SELENOI: variants seen among roughly 807,000 people sequenced by gnomAD.
The protein encoded by SELENOI is selenoprotein I.
In SELENOI, 24 loss-of-function variants were observed where a neutral mutation model predicts 50.7. The ratio of observed to expected loss-of-function variants is 0.47; its 90% CI spans 0.34 to 0.67. The LOEUF is 0.67. Among genes scored for constraint, SELENOI ranks in the 30% least tolerant of loss-of-function variants. The pLI is 0.01. For missense variants in SELENOI, 352 were observed against 461.4 expected, an observed-to-expected ratio of 0.76 and a Z score of 2.17; for synonymous variants, 155 against 170.2, an observed-to-expected ratio of 0.91 and a Z score of 0.70.
intron 4 of SELENOI, among the ~76,000 whole-genome samples, chr2:26,369,213 A>G (rs1260317962): frequency 6.6e-6 from 1 of 152,172 alleles, no homozygotes; most frequent in Non-Finnish European, 1.5e-5. Context: ...CTTTCTCCTC[A>G]TTCCCTTGGT....
At chr2:26,375,534 T>C (rs886940212) in intron 6 of SELENOI, among the ~76,000 whole-genome samples, 1 of 152,218 alleles carries the variant, frequency 6.6e-6, no homozygotes, top group Non-Finnish European at 1.5e-5. Context: ...TATTTTATAA[T>C]GTATCCACTC....
At chr2:26,375,576 C>A (rs1677550077) in intron 6 of SELENOI, among the ~76,000 whole-genome samples, 1 of 152,148 alleles carries the variant, frequency 6.6e-6, no homozygotes, top group Admixed American at 6.5e-5. Context: ...TCTCAGATAT[C>A]CTCTTTCTTA....
chr2:26,370,826 G>C (rs1258499369), intron 4 of SELENOI, among the ~76,000 whole-genome samples: 1 of 134,916 alleles, frequency 7.4e-6, no homozygotes, highest in Non-Finnish European at 1.6e-5. Flanking sequence ...TGGCCGGGCG[G>C]GGGGCTGACA....
chr2:26,384,219 CTTATTTATG>C (rs1677790898), intron 7 of SELENOI, among the ~76,000 whole-genome samples: 2 of 152,210 alleles, frequency 1.3e-5, no homozygotes, highest in Admixed American at 1.3e-4. Context: ...GTAGCAGAAT[CTTATTTATG>C]TTAAACCAAG....
chr2:26,373,014 G>C (rs879757824), intron 4 of SELENOI, among the ~76,000 whole-genome samples: 3 of 152,092 alleles, frequency 2.0e-5, no homozygotes, highest in Non-Finnish European at 2.9e-5. Context: ...TCAGCCTCCT[G>C]AGTAGCAGGA....
At chr2:26,354,469 C>T (rs9941613) in intron 1 of SELENOI, among the ~76,000 whole-genome samples, 59,364 of 152,004 alleles carry the variant, frequency 0.39, 13,069 homozygotes, top group Non-Finnish European at 0.5. Context: ...TCACTGCAAG[C>T]TCCGCCTCCT....
intron 8 of SELENOI, 27 bp from the exon 9 acceptor site, chr2:26,386,327 C>T (rs1380590316): frequency 5.1e-6 from 8 of 1,584,104 alleles, no homozygotes; most frequent in South Asian, 1.2e-5. Context: ...CTTTTTTTCT[C>T]TCTTATTTTT....
chr2:26,364,199 C>T (rs545962359), intron 1 of SELENOI, 103 bp from the exon 2 acceptor site: 74 of 816,584 alleles, frequency 9.1e-5, no homozygotes, highest in African/African-American at 6.9e-4. Flanking sequence ...TATATGCATG[C>T]GCCACTGCGC....
At chr2:26,364,270 T>C in intron 1 of SELENOI, 32 bp from the exon 2 acceptor site, 1 of 1,453,074 alleles carries the variant, frequency 6.9e-7, no homozygotes. Context: ...GGCAAGGATT[T>C]ACTCTGAATA....
Position 26,375,103 on chromosome 2 carries a change from C to T in SELENOI, c.637C>T (p.Leu213=). 6.2e-7 allele frequency: 1 copy of T among 1,613,168 alleles called. No individual in the cohort carries two copies. The highest frequency in any genetic ancestry group is 8.5e-7 in the Non-Finnish European group (1 of 1,179,368). Residue 213 remains leucine, a synonymous_variant, in exon 6 of 10, where the codon CTG becomes TTG. Transcript: ENST00000260585. ...VGVEAWYEPF[L]FNFLYRDLFT... ...AGTTGAGGCCTGGTATGAACCTTTC[C>T]TGTTTAATTTCTTATATAGAGACCT...
intron 6 of SELENOI, among the ~76,000 whole-genome samples, chr2:26,376,930 C>T (rs1394055167): frequency 2.6e-5 from 4 of 152,238 alleles, no homozygotes; most frequent in Middle Eastern, 3.4e-3. Flanking sequence ...TTGTTGCTTT[C>T]AAGGTTCTCT....
chr2:26,367,255 A>T, intron 4 of SELENOI, 35 bp downstream of exon 4: 1 of 1,509,400 alleles, frequency 6.6e-7, no homozygotes, highest in Non-Finnish European at 9.1e-7. Context: ...ATAGTCAGTG[A>T]CTGGTGAATC....
At chr2:26,374,233 T>G (rs1170779720) in intron 5 of SELENOI, among the ~76,000 whole-genome samples, 2 of 152,256 alleles carry the variant, frequency 1.3e-5, no homozygotes, top group Non-Finnish European at 2.9e-5. Context: ...AAGAAAGATA[T>G]GCACATATAA....
chr2:26,383,703 G>A lies in SELENOI; in HGVS notation c.731+356G>A, dbSNP rs554597588. Among the ~76,000 whole-genome samples the A allele has an allele frequency of 3.6e-4, 55 of 152,100 alleles. 1 individual carries two copies. The highest frequency in any genetic ancestry group is 3.4e-3 in the Middle Eastern group (1 of 294). ...CAGCCTGACCAACATGGTGAAACCC[G>A]TCTCTACTAAAAATAAAAAAATTAG... On this transcript the variant is annotated intron_variant, in intron 7 of 9. Transcript: ENST00000260585.
At chr2:26,372,274 T>C (rs181680981) in intron 4 of SELENOI, among the ~76,000 whole-genome samples, 4 of 152,056 alleles carry the variant, frequency 2.6e-5, no homozygotes, top group African/African-American at 7.2e-5. Context: ...CATCCCCGGC[T>C]AAGTTTTTGT....
intron 1 of SELENOI, among the ~76,000 whole-genome samples, chr2:26,352,280 G>A (rs890496674): frequency 1.3e-5 from 2 of 152,196 alleles, no homozygotes; most frequent in African/African-American, 4.8e-5. Context: ...GCAGCGTGTA[G>A]AAGATGGAGA....
At chr2:26,365,733 A>T (rs1574754896) in intron 3 of SELENOI, among the ~76,000 whole-genome samples, 1 of 151,924 alleles carries the variant, frequency 6.6e-6, no homozygotes, top group East Asian at 1.9e-4. Context: ...TGACCTGGAG[A>T]AACTGAGTAC....
chr2:26,372,791 C>G (rs1677485072), intron 4 of SELENOI, among the ~76,000 whole-genome samples: 1 of 152,216 alleles, frequency 6.6e-6, no homozygotes, highest in African/African-American at 2.4e-5. Context: ...GCTACTTTCT[C>G]AGATCTAAAA....
At chr2:26,385,441 A>G (rs1235364612) in intron 8 of SELENOI, among the ~76,000 whole-genome samples, 2 of 152,230 alleles carry the variant, frequency 1.3e-5, no homozygotes, top group Non-Finnish European at 2.9e-5. Flanking sequence ...TTTAGACTCT[A>G]AATATATTAC....
Sources: allele counts gnomAD v4.1 joint callset (sites outside exome capture counted in the v4.1 genomes callset), GRCh38; gene constraint gnomAD v4.1.1; transcripts MANE v1.5; gene names NCBI Gene and HGNC (gene_info 2026-07-23, HGNC 2026-07-21).